MAGI1: variants seen among roughly 807,000 people sequenced by gnomAD.
MAGI1 encodes membrane-associated guanylate kinase, WW and PDZ domain-containing protein 1.
In MAGI1, 58 loss-of-function variants were observed where a neutral mutation model predicts 139.9. The observed-to-expected ratio is 0.41, with a 90% CI of 0.34 to 0.52. The LOEUF (loss-of-function observed/expected upper bound fraction) is 0.52. Among genes scored for constraint, MAGI1 ranks in the 20% least tolerant of loss-of-function variants. MAGI1 has a pLI of 0.12. For missense variants in MAGI1, 1,874 were observed against 1,901.6 expected (o/e 0.99, Z 0.27); for synonymous variants, 812 against 737.9 (o/e 1.10, Z -1.63).
intron 12 of MAGI1, among the ~76,000 whole-genome samples, chr3:65,423,205 T>C (rs866438366): frequency 1.3e-5 from 2 of 152,278 alleles, no homozygotes; most frequent in South Asian, 2.1e-4. Flanking sequence ...ATCTGAGACA[T>C]TGTGGCAGTC....
chr3:65,515,299 T>TA (rs1470651826), intron 2 of MAGI1, among the ~76,000 whole-genome samples: 3 of 151,834 alleles, frequency 2.0e-5, no homozygotes, highest in African/African-American at 7.3e-5. Flanking sequence ...CCCTAAAACT[T>TA]AAAGTATAAA....
At chr3:65,687,876 C>T (rs561686891) in intron 1 of MAGI1, 4 of 629,540 alleles carry the variant, frequency 6.4e-6, no homozygotes, top group South Asian at 2.7e-5. Flanking sequence ...CCCAGAACTC[C>T]GTTTGGATAT....
chr3:65,540,707 T>C (rs1250121758), intron 2 of MAGI1, among the ~76,000 whole-genome samples: 1 of 152,236 alleles, frequency 6.6e-6, no homozygotes, highest in African/African-American at 2.4e-5. Context: ...CATCAGAGTA[T>C]GCCCTTAAAG....
chr3:66,016,107 T>G lies in MAGI1; in HGVS notation c.313+21889A>C, dbSNP rs187404767. On this transcript the variant is annotated intron_variant, in intron 1 of 22. Transcript: ENST00000402939. ...TTAAAACAGAAGTGTTTTGAGTCAA[T>G]TACGAAGTCTATTCAGCGCCTCCAC... is the stretch of plus-strand genomic sequence containing the variant. Among the ~76,000 whole-genome samples the G allele has an allele frequency of 3.5e-4, 53 of 152,286 alleles. No homozygotes were observed. In the East Asian group the frequency reaches 9.8e-3, roughly 28 times the overall value.
At chr3:65,804,522 T>C (rs1041882190) in intron 1 of MAGI1, among the ~76,000 whole-genome samples, 2 of 152,204 alleles carry the variant, frequency 1.3e-5, no homozygotes, top group African/African-American at 4.8e-5. Flanking sequence ...CTGATATAAA[T>C]TGATATTTAC....
chr3:65,545,910 C>G (rs6766198), intron 2 of MAGI1, among the ~76,000 whole-genome samples: 3,150 of 151,984 alleles, frequency 0.021, 94 homozygotes, highest in African/African-American at 0.072. Context: ...AGACCAAACT[C>G]AGGGGAACCA....
At chr3:65,451,590 T>G (rs1451144446) in intron 6 of MAGI1, among the ~76,000 whole-genome samples, 2 of 152,190 alleles carry the variant, frequency 1.3e-5, no homozygotes, top group African/African-American at 4.8e-5. Flanking sequence ...AGTGAACATT[T>G]CCTCTGAGCA....
At chr3:65,790,884 G>C (rs1175098237) in intron 1 of MAGI1, among the ~76,000 whole-genome samples, 1 of 152,062 alleles carries the variant, frequency 6.6e-6, no homozygotes, top group African/African-American at 2.4e-5. Context: ...AGACCAGCCT[G>C]GCCAACATGG....
chr3:65,971,704 C>T (rs2065020604), intron 1 of MAGI1, among the ~76,000 whole-genome samples: 3 of 152,226 alleles, frequency 2.0e-5, no homozygotes, highest in Non-Finnish European at 4.4e-5. Flanking sequence ...ATCACTTCCA[C>T]AAGACACAGA....
At chr3:65,610,724 G>C (rs2083005384) in intron 2 of MAGI1, among the ~76,000 whole-genome samples, 1 of 39,546 alleles carries the variant, frequency 2.5e-5, no homozygotes, top group Non-Finnish European at 7.5e-5. Flanking sequence ...GTTCATTTAG[G>C]TACAAATATA....
chr3:65,531,561 C>G (rs2078713583), intron 2 of MAGI1, among the ~76,000 whole-genome samples: 1 of 152,138 alleles, frequency 6.6e-6, no homozygotes, highest in South Asian at 2.1e-4. Context: ...TCAAACTGAA[C>G]TACTATAGGT....
At chr3:65,884,848 T>C (rs1321755962) in intron 1 of MAGI1, among the ~76,000 whole-genome samples, 1 of 152,172 alleles carries the variant, frequency 6.6e-6, no homozygotes, top group Non-Finnish European at 1.5e-5. Context: ...GGAACAGAGA[T>C]TTAAGGATTG....
intron 1 of MAGI1, among the ~76,000 whole-genome samples, chr3:65,749,063 G>T (rs1370309578): frequency 6.6e-6 from 1 of 152,076 alleles, no homozygotes. Flanking sequence ...ATAAATGGAG[G>T]TATAGGAGGA....
intron 1 of MAGI1, among the ~76,000 whole-genome samples, chr3:65,787,083 C>T (rs2039446297): frequency 6.6e-6 from 1 of 152,126 alleles, no homozygotes; most frequent in South Asian, 2.1e-4. Flanking sequence ...GGTCTGACAT[C>T]AGACTAATTT....
chr3:65,815,401 A>G (rs2041537001), intron 1 of MAGI1, among the ~76,000 whole-genome samples: 1 of 152,214 alleles, frequency 6.6e-6, no homozygotes, highest in Non-Finnish European at 1.5e-5. Context: ...AAAGCAGAGC[A>G]AGCAACTTCT....
intron 1 of MAGI1, among the ~76,000 whole-genome samples, chr3:65,914,385 C>G (rs931772263): frequency 6.6e-6 from 1 of 152,166 alleles, no homozygotes; most frequent in African/African-American, 2.4e-5. Context: ...TGGGGTACTT[C>G]CTGGTTTCAT....
chr3:65,425,870 T>C (rs1003941993), intron 12 of MAGI1, among the ~76,000 whole-genome samples: 1 of 151,974 alleles, frequency 6.6e-6, no homozygotes, highest in Non-Finnish European at 1.5e-5. Flanking sequence ...AAGTAAAAAA[T>C]CCTTATGGGA....
intron 1 of MAGI1, among the ~76,000 whole-genome samples, chr3:65,732,693 T>C (rs1427725602): frequency 6.6e-6 from 1 of 152,226 alleles, no homozygotes; most frequent in Non-Finnish European, 1.5e-5. Flanking sequence ...AACAAAATTA[T>C]GCAAAAATCC....
At chr3:65,478,233 T>A (rs928269027) in intron 4 of MAGI1, among the ~76,000 whole-genome samples, 1 of 152,062 alleles carries the variant, frequency 6.6e-6, no homozygotes, top group Non-Finnish European at 1.5e-5. Context: ...GCCATAATGA[T>A]AGAGATGCTG....
Sources: allele counts gnomAD v4.1 joint callset (sites outside exome capture counted in the v4.1 genomes callset), GRCh38; gene constraint gnomAD v4.1.1; transcripts MANE v1.5; gene names NCBI Gene and HGNC (gene_info 2026-07-23, HGNC 2026-07-21).